TTLL6: variants seen among roughly 807,000 people sequenced by gnomAD.
The protein encoded by TTLL6 is tubulin polyglutamylase TTLL6.
A neutral mutation model predicts 96.4 loss-of-function variants in TTLL6; 75 were observed. The ratio of observed to expected loss-of-function variants is 0.78; its 90% CI spans 0.65 to 0.94. The LOEUF (loss-of-function observed/expected upper bound fraction) is 0.94, where lower values mean the gene tolerates loss of function less well. Among genes scored for constraint, TTLL6 ranks in the 40% least tolerant of loss-of-function variants. The pLI, the probability that TTLL6 is intolerant of heterozygous loss-of-function variation, is 0.00. For synonymous variants in TTLL6, 411 were observed against 419.4 expected, an observed-to-expected ratio of 0.98 and a Z score of 0.24; for missense variants, 1,030 against 1,093.0, an observed-to-expected ratio of 0.94 and a Z score of 0.81.
At chr17:48,766,726 T>C (rs1472797740) in intron 15 of TTLL6, among the ~76,000 whole-genome samples, 2 of 152,112 alleles carry the variant, frequency 1.3e-5, no homozygotes, top group Admixed American at 6.5e-5. Flanking sequence ...TGTCCGGGCA[T>C]GGAGGCACAT....
In TTLL6 at chr17:48,801,395, A is replaced by T. The variant is rs1305890359; in HGVS notation, c.481-10T>A. On this transcript the variant is annotated splice_polypyrimidine_tract_variant and intron_variant, in intron 4 of 15. Coordinates refer to ENST00000393382, the MANE Select transcript of TTLL6 (RefSeq NM_001130918.3). Reference sequence around the variant, plus strand: ...GGAAGTGATTGATCTTCTGGAAGGGAAGCCGGAATTCATGAGCAATCGAGG... The same window carrying T: ...GGAAGTGATTGATCTTCTGGAAGGGTAGCCGGAATTCATGAGCAATCGAGG... 3.7e-5 allele frequency: 57 copies of T among 1,551,422 alleles called. No individual in the cohort carries two copies. The highest frequency in any genetic ancestry group is 5.0e-5 in the Non-Finnish European group (57 of 1,146,936).
chr17:48,808,868 G>A (rs1471080539), intron 1 of TTLL6, among the ~76,000 whole-genome samples: 1 of 152,204 alleles, frequency 6.6e-6, no homozygotes, highest in African/African-American at 2.4e-5. Flanking sequence ...ACCACGCCTG[G>A]CCCAAACTTG....
At chr17:48,801,410 A>G (rs781750454) in intron 4 of TTLL6, 25 bp from the exon 5 acceptor site, 1 of 1,551,590 alleles carries the variant, frequency 6.4e-7, no homozygotes, top group South Asian at 1.2e-5. Context: ...GGAATTCATG[A>G]GCAATCGAGG....
At chr17:48,801,678 G>A in intron 3 of TTLL6, 35 bp from the exon 4 acceptor site, 1 of 1,515,862 alleles carries the variant, frequency 6.6e-7, no homozygotes, top group Non-Finnish European at 9.0e-7. Context: ...AGCCCAGGAA[G>A]TGGGGGAGGA....
At chr17:48,766,293 AC>A (rs1391836936) in intron 15 of TTLL6, among the ~76,000 whole-genome samples, 3 of 151,958 alleles carry the variant, frequency 2.0e-5, no homozygotes, top group Non-Finnish European at 4.4e-5. Flanking sequence ...CTTCAGGGAG[AC>A]CCCCATCTGA....
intron 12 of TTLL6, 110 bp downstream of exon 12, chr17:48,786,054 C>G: frequency 6.6e-7 from 1 of 1,512,302 alleles, no homozygotes. Context: ...CTCTGCACAG[C>G]CTTTCGGTGT....
chr17:48,794,713 C>T (rs563379251), intron 8 of TTLL6, among the ~76,000 whole-genome samples: 1 of 152,278 alleles, frequency 6.6e-6, no homozygotes, highest in South Asian at 2.1e-4. Flanking sequence ...CTTAACTTAG[C>T]GATTTTCTGT....
intron 9 of TTLL6, among the ~76,000 whole-genome samples, chr17:48,790,633 T>C (rs1017384295): frequency 2.0e-5 from 3 of 152,190 alleles, no homozygotes; most frequent in African/African-American, 7.2e-5. Context: ...TGATGGCTCA[T>C]TCTGCTCTTT....
At chr17:48,811,761 G>A (rs894232082) in intron 1 of TTLL6, among the ~76,000 whole-genome samples, 4 of 142,972 alleles carry the variant, frequency 2.8e-5, no homozygotes, top group South Asian at 4.4e-4. Flanking sequence ...GCAATGGCAC[G>A]ATCCCAGCTC....
rs1177385123 is a variant in TTLL6 at position 48,786,212 on chromosome 17, T to C, written c.1713A>G (p.Gln571=). 15 of 1,614,074 alleles carry C rather than the reference T, an allele frequency of 9.3e-6. No individual in the cohort carries two copies. The highest frequency in any genetic ancestry group is 1.3e-5 in the African/African-American group (1 of 74,924). Residue 571 remains glutamine, a synonymous_variant, in exon 12 of 16, where the codon CAA becomes CAG. Transcript: ENST00000393382. The part of the protein sequence containing the change: ...QVRKKGMRGW[Q]QKQQQKDKAA... ...CCTTGTCTTTCTGCTGTTGTTTCTG[T>C]TGCCAGCCCCTCATGCCCTTCTTTC...
At chr17:48,781,984 A>C (rs1369735200) in intron 13 of TTLL6, among the ~76,000 whole-genome samples, 1 of 152,218 alleles carries the variant, frequency 6.6e-6, no homozygotes, top group African/African-American at 2.4e-5. Flanking sequence ...GAACTGTAAG[A>C]AATAAATTTC....
intron 1 of TTLL6, among the ~76,000 whole-genome samples, chr17:48,810,297 T>C (rs2039561897): frequency 6.6e-6 from 1 of 152,180 alleles, no homozygotes; most frequent in South Asian, 2.1e-4. Context: ...TTTCCTCGTA[T>C]TCTAGGCTGC....
At chr17:48,781,657 G>T (rs2038987950) in intron 13 of TTLL6, among the ~76,000 whole-genome samples, 1 of 152,116 alleles carries the variant, frequency 6.6e-6, no homozygotes, top group African/African-American at 2.4e-5. Context: ...TTTTGTTGCT[G>T]TTGAGATGTA....
intron 8 of TTLL6, chr17:48,794,369 A>G: frequency 6.5e-7 from 1 of 1,528,078 alleles, no homozygotes; most frequent in Non-Finnish European, 8.8e-7. Flanking sequence ...TGTTGCCATC[A>G]CAAGTCATTT....
At position 48,769,072 on chromosome 17, in the gene TTLL6, C is replaced by T. The variant is rs1348482244; in HGVS notation, c.2593G>A (p.Ala865Thr). 4.3e-6 allele frequency: 7 copies of T among 1,614,060 alleles called. No individual in the cohort carries two copies. Among genetic ancestry groups the T allele is most frequent in the Middle Eastern group, 1.6e-4 (1 of 6,084 alleles). ...TCCTGCATACATGGGTCCCTCATAG[C>T]ACTTGCGTGGCTTCTACAAGGCCTT... ...DPRPCRSHAS[A>T]MRDPCMQDQE... The change falls in exon 15 of 16, where the codon GCT becomes ACT. Residue 865 changes from alanine (A) to threonine (T), a missense_variant. Coordinates refer to ENST00000393382, the MANE Select transcript of TTLL6 (RefSeq NM_001130918.3).
chr17:48,770,331 C>T (rs1329423563), intron 13 of TTLL6, among the ~76,000 whole-genome samples: 1 of 151,868 alleles, frequency 6.6e-6, no homozygotes, highest in East Asian at 1.9e-4. Context: ...AGATTAAGAG[C>T]TGGTTCATTA....
Position 48,785,185 on chromosome 17 carries a change from G to C in TTLL6, c.1778C>G (p.Thr593Arg). 6.2e-7 allele frequency: 1 copy of C among 1,614,124 alleles called. No homozygotes were observed. Among genetic ancestry groups the C allele is most frequent in the Non-Finnish European group, 8.5e-7 (1 of 1,180,040 alleles). The change falls in exon 13 of 16, where the codon ACA (threonine) becomes AGA (arginine). Residue 593 changes from threonine (T) to arginine (R), a missense_variant. By Grantham distance (71) the Thr-to-Arg change is moderately conservative. Transcript: ENST00000393382. ...QASKQYIQPL[T>R]LVSYTPDLLL... ...CAAGTCAGGTGTGTAGGATACTAAT[G>C]TCAATGGCTGGATGTACTGAGGGAG...
chr17:48,794,301 C>G (rs772748877), intron 8 of TTLL6: 1 of 1,612,548 alleles, frequency 6.2e-7, no homozygotes, highest in African/African-American at 1.3e-5. Context: ...AAATGAGAAC[C>G]TTTCCATTCT....
At chr17:48,792,685 A>T (rs1421654055) in intron 8 of TTLL6, among the ~76,000 whole-genome samples, 2 of 152,214 alleles carry the variant, frequency 1.3e-5, no homozygotes, top group Admixed American at 1.3e-4. Flanking sequence ...GTCAACACAC[A>T]TGTGAAACAA....
Sources: allele counts gnomAD v4.1 joint callset (sites outside exome capture counted in the v4.1 genomes callset), GRCh38; gene constraint gnomAD v4.1.1; transcripts MANE v1.5; gene names NCBI Gene and HGNC (gene_info 2026-07-23, HGNC 2026-07-21).